Variants in FAM13A observed in about 807,000 individuals in gnomAD.
FAM13A encodes the protein family with sequence similarity 13 member A, also known as protein FAM13A.
In FAM13A, 76 loss-of-function variants were observed where a neutral mutation model predicts 129.6. The observed-to-expected ratio is 0.59, with a 90% CI of 0.49 to 0.71. The LOEUF is 0.71. Ranked by LOEUF, FAM13A falls within the 30% of genes least tolerant of loss-of-function variation. The pLI is 0.00. For missense variants in FAM13A, 1,108 were observed against 1,249.3 expected (o/e 0.89, Z 1.70); for synonymous variants, 443 against 449.9 (o/e 0.98, Z 0.20).
intron 3 of FAM13A, among the ~76,000 whole-genome samples, chr4:89,019,809 A>C (rs1288366564): frequency 6.6e-6 from 1 of 151,602 alleles, no homozygotes; most frequent in African/African-American, 2.4e-5. Context: ...AAATCACTTA[A>C]TACTACAATC....
At chr4:88,751,071 A>C (rs1433880091) in intron 14 of FAM13A, among the ~76,000 whole-genome samples, 1 of 152,132 alleles carries the variant, frequency 6.6e-6, no homozygotes, top group Non-Finnish European at 1.5e-5. Context: ...GTGAAACTCT[A>C]TCTCTACTAA....
At chr4:88,813,569 T>G (rs1041480701) in intron 7 of FAM13A, among the ~76,000 whole-genome samples, 6 of 152,228 alleles carry the variant, frequency 3.9e-5, no homozygotes, top group African/African-American at 1.4e-4. Flanking sequence ...AATTATTACC[T>G]TATTGCAAAT....
chr4:88,737,626 C>T (rs1739270953), intron 20 of FAM13A, 71 bp from the exon 21 acceptor site: 2 of 1,139,278 alleles, frequency 1.8e-6, no homozygotes, highest in African/African-American at 1.5e-5. Flanking sequence ...TCGGCCTCCT[C>T]TGACCTCACC....
At chr4:88,853,769 C>A (rs1279247040) in intron 6 of FAM13A, among the ~76,000 whole-genome samples, 1 of 152,214 alleles carries the variant, frequency 6.6e-6, no homozygotes, top group Admixed American at 6.5e-5. Flanking sequence ...GACCCACCCT[C>A]AGTCTAGGTC....
chr4:88,964,775 G>A (rs1182692331), intron 4 of FAM13A, among the ~76,000 whole-genome samples: 2 of 151,616 alleles, frequency 1.3e-5, no homozygotes, highest in East Asian at 1.9e-4. Flanking sequence ...TCACAGGCAC[G>A]CACCACTGCA....
intron 4 of FAM13A, among the ~76,000 whole-genome samples, chr4:88,986,629 G>C (rs1261414283): frequency 6.6e-6 from 1 of 152,124 alleles, no homozygotes; most frequent in Non-Finnish European, 1.5e-5. Flanking sequence ...CGGACTGCCC[G>C]GATGTCTTAA....
intron 4 of FAM13A, among the ~76,000 whole-genome samples, chr4:88,984,275 AG>A (rs1761975820): frequency 6.6e-6 from 1 of 152,220 alleles, no homozygotes; most frequent in East Asian, 1.9e-4. Context: ...AAGTGACAAA[AG>A]AAAAAACAGA....
intron 4 of FAM13A, among the ~76,000 whole-genome samples, chr4:88,941,243 A>G (rs1400517684): frequency 3.9e-5 from 6 of 152,184 alleles, no homozygotes; most frequent in Non-Finnish European, 7.3e-5. Flanking sequence ...AAAATATCCA[A>G]CTTCCCAAAC....
chr4:88,824,546 T>C (rs1382622100), intron 7 of FAM13A, among the ~76,000 whole-genome samples: 1 of 151,722 alleles, frequency 6.6e-6, no homozygotes, highest in African/African-American at 2.4e-5. Flanking sequence ...ACAAAAGGAG[T>C]TGATTTAACC....
chr4:88,985,200 A>G (rs1333772411), intron 4 of FAM13A, among the ~76,000 whole-genome samples: 1 of 152,162 alleles, frequency 6.6e-6, no homozygotes, highest in African/African-American at 2.4e-5. Context: ...AAGAACACAT[A>G]TTGTATGATT....
chr4:88,798,184 T>C (rs1578705908), intron 8 of FAM13A, among the ~76,000 whole-genome samples: 4 of 152,318 alleles, frequency 2.6e-5, no homozygotes, highest in Admixed American at 2.6e-4. Flanking sequence ...GTGGACTTGC[T>C]TTTTGGTCCA....
intron 4 of FAM13A, among the ~76,000 whole-genome samples, chr4:88,964,710 G>A (rs193047142): frequency 1.3e-3 from 185 of 147,558 alleles, no homozygotes; most frequent in African/African-American, 3.0e-3. Context: ...TCACTGCAAC[G>A]TCCACATCCC....
chr4:88,749,512 G>C lies in FAM13A; in HGVS notation c.2079+259C>G, dbSNP rs902672240. Among the ~76,000 whole-genome samples, 4 of 152,078 alleles carry C rather than the reference G, an allele frequency of 2.6e-5. 1 individual carries two copies. In the South Asian group the frequency reaches 8.3e-4, roughly 31 times the overall value. On this transcript the variant is annotated intron_variant, in intron 16 of 23. Transcript: ENST00000264344. The stretch of plus-strand genomic sequence containing the variant: ...AGGATTTCATTCAACAATTTCTCCA[G>C]TTCCTGCTTACTGATTAATTTATAA...
chr4:88,926,988 GAC>G (rs367573710), intron 5 of FAM13A, among the ~76,000 whole-genome samples: 2 of 151,688 alleles, frequency 1.3e-5, no homozygotes, highest in Admixed American at 6.6e-5. Context: ...CCCACCGACA[GAC>G]ACACACACAC....
intron 7 of FAM13A, among the ~76,000 whole-genome samples, chr4:88,826,561 G>A (rs1273607942): frequency 6.6e-6 from 1 of 152,064 alleles, no homozygotes; most frequent in African/African-American, 2.4e-5. Flanking sequence ...ATCTTTGACT[G>A]TTCACTGCAT....
intron 1 of FAM13A, among the ~76,000 whole-genome samples, chr4:89,034,828 G>A (rs1480131627): frequency 1.3e-5 from 2 of 152,220 alleles, no homozygotes; most frequent in African/African-American, 2.4e-5. Flanking sequence ...GTTGCAGTGA[G>A]CTGAGTTCAT....
At chr4:88,786,828 C>T (rs192380607) in intron 10 of FAM13A, among the ~76,000 whole-genome samples, 1 of 150,858 alleles carries the variant, frequency 6.6e-6, no homozygotes, top group East Asian at 1.9e-4. Flanking sequence ...GATTATGAGT[C>T]AAAGTGAAAA....
At chr4:88,840,446 A>C (rs1033966215) in intron 7 of FAM13A, among the ~76,000 whole-genome samples, 2 of 152,216 alleles carry the variant, frequency 1.3e-5, no homozygotes, top group Non-Finnish European at 2.9e-5. Context: ...GATGGGACTC[A>C]TCTAGAAAAA....
chr4:89,014,263 G>A (rs1295717695), intron 3 of FAM13A, among the ~76,000 whole-genome samples: 1 of 152,164 alleles, frequency 6.6e-6, no homozygotes, highest in African/African-American at 2.4e-5. Flanking sequence ...GTGGGAAGAG[G>A]TGCTGCTGAC....
Sources: allele counts gnomAD v4.1 joint callset (sites outside exome capture counted in the v4.1 genomes callset), GRCh38; gene constraint gnomAD v4.1.1; transcripts MANE v1.5; gene names NCBI Gene and HGNC (gene_info 2026-07-23, HGNC 2026-07-21).